Variants in ATP11A observed in about 807,000 individuals in gnomAD.
The protein encoded by ATP11A is phospholipid-transporting ATPase IH.
Under a neutral mutation model 154.4 loss-of-function variants are expected in ATP11A, and 81 were observed. The observed-to-expected ratio is 0.52, with a 90% CI of 0.44 to 0.63. The LOEUF (loss-of-function observed/expected upper bound fraction) is 0.63. ATP11A is among the 30% of genes least tolerant of loss of function. ATP11A has a pLI of 0.00. For missense variants in ATP11A, 1,316 were observed against 1,474.3 expected (o/e 0.89, Z 1.76); for synonymous variants, 623 against 585.9 (o/e 1.06, Z -0.91).
intron 13 of ATP11A, 129 bp from the exon 14 acceptor site, chr13:112,832,731 C>T (rs2079128296): frequency 9.7e-7 from 1 of 1,035,104 alleles, no homozygotes; most frequent in Non-Finnish European, 1.4e-6. Context: ...CCCCTCACCG[C>T]CCACAAGCTG....
At chr13:112,789,627 C>T (rs1178970900) in intron 2 of ATP11A, among the ~76,000 whole-genome samples, 4 of 151,026 alleles carry the variant, frequency 2.6e-5, no homozygotes, top group Middle Eastern at 3.5e-3. Flanking sequence ...TAATTCACAC[C>T]GGGTATTCTG....
At position 112,781,042 on chromosome 13, in the gene ATP11A, TGTTTGTTC is replaced by T. The variant is rs145124551; in HGVS notation, c.40-4085_40-4078del. On this transcript the variant is annotated intron_variant, in intron 1 of 29. Coordinates refer to ENST00000375645, the MANE Select transcript of ATP11A (RefSeq NM_015205.3). Reference sequence around the variant, plus strand: ...GATGTGACCCCGTCTTTTGTTTGTTTGTTTGTTCGTTTGTTTGAGACGGAGCCTCGGTC... The same window carrying T: ...GATGTGACCCCGTCTTTTGTTTGTTTGTTTGTTTGAGACGGAGCCTCGGTC... Among the ~76,000 whole-genome samples the T allele has an allele frequency of 4.0e-3, 602 of 152,208 alleles. 5 individuals are homozygous for T. The highest frequency in any genetic ancestry group is 0.014 in the African/African-American group (570 of 41,528).
At chr13:112,812,728 G>A (rs547945497) in intron 5 of ATP11A, among the ~76,000 whole-genome samples, 58 of 152,262 alleles carry the variant, frequency 3.8e-4, no homozygotes, top group African/African-American at 1.3e-3. Context: ...ACTTATAAAC[G>A]TGCTATCCAG....
intron 1 of ATP11A, among the ~76,000 whole-genome samples, chr13:112,695,954 C>A (rs1363096125): frequency 6.6e-6 from 1 of 152,230 alleles, no homozygotes; most frequent in Admixed American, 6.5e-5. Context: ...ATGATTTTCT[C>A]TTTCACTTGG....
chr13:112,794,389 G>T (rs2077942868), intron 2 of ATP11A, among the ~76,000 whole-genome samples: 1 of 152,222 alleles, frequency 6.6e-6, no homozygotes. Flanking sequence ...TGGTACTGCT[G>T]TGTCAGTGCA....
Position 112,807,447 on chromosome 13 carries a change from C to G in ATP11A, c.333+1154C>G, listed in dbSNP as rs151011694. Reference sequence around the variant, plus strand: ...TGGACAGCTCCGCCGCGGTGCATGGCAGAACACAGCACAGTAACGAAACGA... The same window carrying G: ...TGGACAGCTCCGCCGCGGTGCATGGGAGAACACAGCACAGTAACGAAACGA... On this transcript the variant is annotated intron_variant, in intron 4 of 29. Coordinates refer to ENST00000375645, the MANE Select transcript of ATP11A (RefSeq NM_015205.3). This position sits in a 1 kb window ranked among gnomAD's most constrained non-coding sequence, Gnocchi z 4.5. Among the ~76,000 whole-genome samples, 22 of 152,326 alleles carry G rather than the reference C, an allele frequency of 1.4e-4. No individual in the cohort carries two copies. In the East Asian group the frequency reaches 4.1e-3, roughly 28 times the overall value.
chr13:112,823,607 G>A (rs1044137830), intron 9 of ATP11A, among the ~76,000 whole-genome samples, 198 bp downstream of exon 9: 4 of 152,212 alleles, frequency 2.6e-5, no homozygotes, highest in Non-Finnish European at 5.9e-5. Flanking sequence ...CAGAGAATAC[G>A]GCTTACGGAT....
intron 8 of ATP11A, among the ~76,000 whole-genome samples, chr13:112,823,056 G>A (rs2078840583): frequency 6.6e-6 from 1 of 152,230 alleles, no homozygotes; most frequent in African/African-American, 2.4e-5. Flanking sequence ...AGGCTGCCGG[G>A]CGCAGCTCAG....
At chr13:112,793,159 G>A (rs1353544378) in intron 2 of ATP11A, among the ~76,000 whole-genome samples, 1 of 152,186 alleles carries the variant, frequency 6.6e-6, no homozygotes, top group Non-Finnish European at 1.5e-5. Flanking sequence ...TAGAGCCCCT[G>A]TAGTCTGGCA....
At chr13:112,835,541 G>T (rs1310335316) in intron 15 of ATP11A, among the ~76,000 whole-genome samples, 3 of 152,210 alleles carry the variant, frequency 2.0e-5, no homozygotes, top group African/African-American at 7.2e-5. Context: ...GAGGTAGTGA[G>T]GTCGTGGCCT....
chr13:112,829,183 G>A (rs752842049), intron 12 of ATP11A, among the ~76,000 whole-genome samples: 1 of 152,238 alleles, frequency 6.6e-6, no homozygotes, highest in Non-Finnish European at 1.5e-5. Flanking sequence ...TTAGCAGGCA[G>A]GCGTGCGTTG....
intron 1 of ATP11A, among the ~76,000 whole-genome samples, chr13:112,702,186 A>G (rs1328719702): frequency 6.6e-6 from 1 of 151,666 alleles, no homozygotes; most frequent in Non-Finnish European, 1.5e-5. Context: ...TCTCTACTAC[A>G]AATACAAAAA....
intron 1 of ATP11A, among the ~76,000 whole-genome samples, chr13:112,748,937 C>G (rs908634456): frequency 6.6e-6 from 1 of 152,212 alleles, no homozygotes; most frequent in African/African-American, 2.4e-5. Flanking sequence ...CCGCCCTTTG[C>G]GGCTATGTGC....
At chr13:112,768,086 C>T (rs563208201) in intron 1 of ATP11A, among the ~76,000 whole-genome samples, 1 of 152,346 alleles carries the variant, frequency 6.6e-6, no homozygotes, top group East Asian at 1.9e-4. Context: ...TGAAGGTTTT[C>T]CAAGTGCCTG....
At chr13:112,777,435 A>G (rs1039618771) in intron 1 of ATP11A, among the ~76,000 whole-genome samples, 1 of 152,122 alleles carries the variant, frequency 6.6e-6, no homozygotes, top group Non-Finnish European at 1.5e-5. Context: ...GTGGTGGCAT[A>G]CACCTGTAAT....
At chr13:112,839,874 C>T (rs2079345929) in intron 16 of ATP11A, among the ~76,000 whole-genome samples, 1 of 152,160 alleles carries the variant, frequency 6.6e-6, no homozygotes, top group Non-Finnish European at 1.5e-5. Context: ...TTCAAGAATG[C>T]ATCATTATGT....
chr13:112,792,767 G>A (rs2077895370), intron 2 of ATP11A, among the ~76,000 whole-genome samples: 1 of 152,170 alleles, frequency 6.6e-6, no homozygotes, highest in African/African-American at 2.4e-5. Context: ...CCCCCACGTG[G>A]GGAATCCTGA....
chr13:112,717,813 A>G (rs2139611455), intron 1 of ATP11A: 1 of 152,412 alleles, frequency 6.6e-6, no homozygotes, highest in South Asian at 2.1e-4. Context: ...ACGGCGGCTC[A>G]CGCCTGTAAC....
chr13:112,795,726 T>C (rs942868377), intron 2 of ATP11A, among the ~76,000 whole-genome samples: 1 of 152,268 alleles, frequency 6.6e-6, no homozygotes, highest in Non-Finnish European at 1.5e-5. Context: ...ATTTCTTTAA[T>C]GTATCCTTTT....
Sources: gnomAD v4.1 joint callset for allele counts (sites outside exome capture counted in the v4.1 genomes callset) on GRCh38, gnomAD v4.1.1 for gene constraint, Gnocchi (gnomAD v3.1) non-coding constraint, MANE v1.5 for transcripts, NCBI Gene and HGNC (gene_info 2026-07-23, HGNC 2026-07-21) for gene names.